The following ZNF41 variants were observed in gnomAD, a reference collection of about 807,000 sequenced individuals.
ZNF41 encodes the protein zinc finger protein 41.
Under a neutral mutation model 9.3 loss-of-function variants are expected in ZNF41, and 6 were observed. That is an observed-to-expected ratio of 0.65 (90% CI 0.35 to 1.28). The LOEUF (loss-of-function observed/expected upper bound fraction) is 1.28. Ranked by LOEUF, ZNF41 falls within the 50% of genes most tolerant of loss-of-function variation. The pLI is 0.03. For synonymous variants in ZNF41, 192 were observed against 207.1 expected (o/e 0.93, Z 0.63); for missense variants, 523 against 585.8 (o/e 0.89, Z 1.11).
rs913515973 is a variant in ZNF41, at chrX:47,446,022, G to A, written c.*1408C>T. On this transcript the variant is annotated 3_prime_UTR_variant, in exon 5 of 5. Coordinates refer to ENST00000684689, the MANE Select transcript of ZNF41 (RefSeq NM_001324144.2). ...GGAAAGTGGGGAAGGCTTCTGGGGTGCTGGTCATGTTCTGTTTCTTGATCT... is the reference window on the plus strand; with the variant it reads ...GGAAAGTGGGGAAGGCTTCTGGGGTACTGGTCATGTTCTGTTTCTTGATCT... 1 of 111,458 alleles carries A rather than the reference G, an allele frequency of 9.0e-6. No homozygotes were observed. Among genetic ancestry groups the A allele is most frequent in the Non-Finnish European group, 1.9e-5 (1 of 53,085 alleles). 9.2% of individuals were successfully genotyped at this position (111,458 alleles called of 1,213,427 possible). A position where few individuals can be genotyped will look rare whatever the true frequency, so the allele number is the denominator to read the frequency against.
intron 2 of ZNF41, among the ~76,000 whole-genome samples, chrX:47,466,003 C>T (rs759064657): frequency 1.3e-4 from 14 of 110,359 alleles, no homozygotes; most frequent in African/African-American, 4.6e-4. Context: ...TAGTATGTAG[C>T]ACACTCTGGC....
At chrX:47,465,780 C>G (rs889497142) in intron 2 of ZNF41, among the ~76,000 whole-genome samples, 4 of 110,513 alleles carry the variant, frequency 3.6e-5, no homozygotes, top group Non-Finnish European at 7.6e-5. Flanking sequence ...GCACTCTAGC[C>G]TGGGCAACAG....
chrX:47,461,850 A>G (rs1302493746), intron 2 of ZNF41, among the ~76,000 whole-genome samples: 1 of 110,241 alleles, frequency 9.1e-6, no homozygotes, highest in Non-Finnish European at 1.9e-5. Context: ...CTGAGACTAC[A>G]GGTGCACACC....
chrX:47,448,067 A>G lies in ZNF41; in HGVS notation c.1703T>C (p.Ile568Thr). The change falls in exon 5 of 5, where the codon ATA (isoleucine) becomes ACA (threonine). Residue 568 changes from isoleucine to threonine, a missense_variant. Physicochemically the swap from Ile to Thr is moderately conservative, Grantham distance 89. Coordinates refer to ENST00000684689, the MANE Select transcript of ZNF41 (RefSeq NM_001324144.2). The part of the protein sequence containing the change: ...KAFIWKSRLK[I>T]HQKSHIGERH... ...CTCTCCAATATGAGATTTCTGATGT[A>G]TTTTGAGGCGCGACTTCCATATGAA... 3.3e-6 allele frequency: 4 copies of G among 1,211,337 alleles called. No homozygotes were observed. Among genetic ancestry groups the G allele is most frequent in the Non-Finnish European group, 4.5e-6 (4 of 895,452 alleles).
intron 2 of ZNF41, among the ~76,000 whole-genome samples, chrX:47,462,350 T>A (rs955199925): frequency 2.7e-5 from 3 of 110,919 alleles, no homozygotes; most frequent in Non-Finnish European, 1.9e-5. Context: ...CCCTGCTCCC[T>A]TTGCTGGTCG....
At chrX:47,475,727 T>C (rs2057317070) in intron 1 of ZNF41, among the ~76,000 whole-genome samples, 2 of 111,323 alleles carry the variant, frequency 1.8e-5, no homozygotes, top group Admixed American at 9.7e-5. Context: ...CTACCCTATA[T>C]ACACCTCTGC....
intron 1 of ZNF41, among the ~76,000 whole-genome samples, chrX:47,470,411 CAAAAAAAAAA>C (rs58574926): frequency 2.7e-5 from 1 of 37,677 alleles, no homozygotes; most frequent in Non-Finnish European, 4.7e-5. Flanking sequence ...GACTCCGTCT[CAAAAAAAAAA>C]AAAAAAAAAA....
intron 2 of ZNF41, among the ~76,000 whole-genome samples, chrX:47,460,054 C>T (rs968159521): frequency 1.8e-5 from 2 of 111,228 alleles, no homozygotes; most frequent in Non-Finnish European, 1.9e-5. Context: ...TAAAACCAGC[C>T]TGGGCAATAT....
chrX:47,468,135 A>G (rs2057052386), intron 1 of ZNF41, among the ~76,000 whole-genome samples: 1 of 111,500 alleles, frequency 9.0e-6, no homozygotes, highest in African/African-American at 3.3e-5. Context: ...CCCATTTACC[A>G]TCAGATAGAG....
intron 1 of ZNF41, among the ~76,000 whole-genome samples, chrX:47,479,899 A>G (rs1367827160): frequency 9.0e-6 from 1 of 111,584 alleles, no homozygotes; most frequent in Non-Finnish European, 1.9e-5. Flanking sequence ...GTTTGAGACC[A>G]GTCTGGTCAA....
chrX:47,471,481 C>A (rs921420340), intron 1 of ZNF41, among the ~76,000 whole-genome samples: 1 of 110,087 alleles, frequency 9.1e-6, no homozygotes, highest in Non-Finnish European at 1.9e-5. Flanking sequence ...AAAGACTATC[C>A]TTTCTCCACT....
chrX:47,462,694 C>G (rs2056840711), intron 2 of ZNF41, among the ~76,000 whole-genome samples: 1 of 110,444 alleles, frequency 9.1e-6, no homozygotes, highest in African/African-American at 3.3e-5. Context: ...TCTCCTGATT[C>G]TTCCCTGTCC....
chrX:47,482,261 C>T (rs1463092322), intron 1 of ZNF41, among the ~76,000 whole-genome samples: 1 of 110,510 alleles, frequency 9.0e-6, no homozygotes, highest in Non-Finnish European at 1.9e-5. Flanking sequence ...ATCACTCACC[C>T]ACAAACCCCA....
In ZNF41 at chrX:47,464,752, G is replaced by A. The variant is rs145982748; in HGVS notation, c.72+2658C>T. On this transcript the variant is annotated intron_variant, in intron 2 of 4. Transcript: ENST00000684689. ...TGTCATGGCCCTAACCTGTGGGTCC[G>A]TGACTGACATGATTGAGCAGAGCTT... 3.7e-3 allele frequency among the ~76,000 whole-genome samples: 414 copies of A among 112,166 alleles called. 5 individuals are homozygous for A. Among genetic ancestry groups the A allele is most frequent in the African/African-American group, 0.013 (387 of 30,947 alleles).
chrX:47,457,039 T>C (rs1050662715), intron 2 of ZNF41, among the ~76,000 whole-genome samples: 6 of 111,975 alleles, frequency 5.4e-5, no homozygotes, highest in African/African-American at 1.9e-4. Flanking sequence ...AACAAGTCTT[T>C]TTTTCTAATA....
chrX:47,467,797 G>A, intron 1 of ZNF41, 37 bp from the exon 2 acceptor site: 1 of 314,136 alleles, frequency 3.2e-6, no homozygotes, highest in Admixed American at 5.3e-5. Context: ...CCCACACCAA[G>A]TATTAAAGCA....
intron 1 of ZNF41, among the ~76,000 whole-genome samples, chrX:47,476,249 A>T (rs2057330000): frequency 2.7e-5 from 3 of 111,055 alleles, no homozygotes; most frequent in Non-Finnish European, 5.7e-5. Context: ...GCTACTTGGG[A>T]GGCTGAGGCA....
rs1569270271 is a variant in ZNF41, at chrX:47,447,577, T to C, written c.2193A>G (p.Lys731=). The C allele has an allele frequency of 8.3e-7, 1 of 1,212,088 alleles. No homozygotes were observed. Among genetic ancestry groups the C allele is most frequent in the Non-Finnish European group, 1.1e-6 (1 of 895,628 alleles). ...CSKCGKAFIQ[K]ATLSMHQIIH... is the part of the protein sequence containing the mutation. Reference sequence around the variant, plus strand: ...TTATCTGATGCATACTTAGTGTGGCTTTCTGGATGAAAGCTTTCCCACATT... The same window carrying C: ...TTATCTGATGCATACTTAGTGTGGCCTTCTGGATGAAAGCTTTCCCACATT... Residue 731 remains lysine (K), a synonymous_variant, in exon 5 of 5, where the codon AAA becomes AAG. Coordinates refer to ENST00000684689, the MANE Select transcript of ZNF41 (RefSeq NM_001324144.2).
At chrX:47,450,889 A>G (rs940226643) in intron 4 of ZNF41, among the ~76,000 whole-genome samples, 2 of 111,882 alleles carry the variant, frequency 1.8e-5, no homozygotes, top group African/African-American at 6.5e-5. Context: ...TCAGGATTAG[A>G]GTTGACTTGT....
Sources: gnomAD v4.1 joint callset for allele counts (sites outside exome capture counted in the v4.1 genomes callset) on GRCh38, gnomAD v4.1.1 for gene constraint, MANE v1.5 for transcripts, NCBI Gene and HGNC (gene_info 2026-07-23, HGNC 2026-07-21) for gene names.